Variants in ICE2 observed in about 807,000 individuals in gnomAD.
The protein encoded by ICE2 is little elongation complex subunit 2.
Under a neutral mutation model 105.4 loss-of-function variants are expected in ICE2, and 87 were observed. The observed-to-expected ratio is 0.83, with a 90% CI of 0.69 to 0.99. The LOEUF (loss-of-function observed/expected upper bound fraction) is 0.99. Among genes scored for constraint, ICE2 ranks in the 50% least tolerant of loss-of-function variants. ICE2 has a pLI of 0.00. For missense variants in ICE2, 1,323 were observed against 1,146.7 expected (o/e 1.15, Z -2.22); for synonymous variants, 399 against 392.0 (o/e 1.02, Z -0.21).
intron 9 of ICE2, among the ~76,000 whole-genome samples, chr15:60,450,622 T>C (rs2063943216): frequency 6.6e-6 from 1 of 152,184 alleles, no homozygotes; most frequent in Admixed American, 6.5e-5. Context: ...GCCTTACAGT[T>C]GAGGATTTAA....
chr15:60,459,622 T>C (rs900283994), intron 5 of ICE2, among the ~76,000 whole-genome samples: 2 of 152,046 alleles, frequency 1.3e-5, no homozygotes, highest in African/African-American at 2.4e-5. Context: ...AAAACAAATA[T>C]AGTCCATATA....
intron 5 of ICE2, among the ~76,000 whole-genome samples, chr15:60,459,383 G>C (rs1015063388): frequency 6.6e-6 from 1 of 152,136 alleles, no homozygotes; most frequent in African/African-American, 2.4e-5. Context: ...GTGGAAAAAA[G>C]GTAACTGCCA....
chr15:60,460,788 A>G (rs1309827766), intron 5 of ICE2, among the ~76,000 whole-genome samples: 2 of 152,192 alleles, frequency 1.3e-5, no homozygotes, highest in African/African-American at 4.8e-5. Context: ...TGCTAGAACA[A>G]CTAGATATTC....
intron 3 of ICE2, among the ~76,000 whole-genome samples, chr15:60,468,559 G>GGT (rs1294599211): frequency 6.6e-6 from 1 of 152,178 alleles, no homozygotes; most frequent in East Asian, 1.9e-4. Context: ...GAGAGGAAGA[G>GGT]GTATACTTAT....
chr15:60,425,272 T>A (rs982871073), intron 15 of ICE2, among the ~76,000 whole-genome samples: 1 of 152,190 alleles, frequency 6.6e-6, no homozygotes, highest in African/African-American at 2.4e-5. Flanking sequence ...ATATACTGAT[T>A]AGAAAAGTGC....
Position 60,448,897 on chromosome 15 carries a change from AGAG to A in ICE2, c.2067_2069del (p.Ser691del). The A allele has an allele frequency of 6.2e-7, 1 of 1,610,986 alleles. No individual in the cohort carries two copies. Among genetic ancestry groups the A allele is most frequent in the South Asian group, 1.1e-5 (1 of 90,084 alleles). On this transcript the variant is annotated inframe_deletion, in exon 10 of 16. Transcript: ENST00000261520. ...AAGGCCATCCAGATTTCGGCCAACT[AGAG>A]GAGTCTGAAGGACCAGACAATTGCT... is the stretch of plus-strand genomic sequence containing the variant.
chr15:60,434,245 G>A (rs571406357), intron 13 of ICE2, among the ~76,000 whole-genome samples: 2 of 152,202 alleles, frequency 1.3e-5, no homozygotes, highest in African/African-American at 4.8e-5. Context: ...TTCTGAGTAC[G>A]ATAAATTCAT....
intron 3 of ICE2, among the ~76,000 whole-genome samples, chr15:60,473,158 G>A (rs2064654862): frequency 6.6e-6 from 1 of 152,024 alleles, no homozygotes; most frequent in Non-Finnish European, 1.5e-5. Flanking sequence ...GCCCGGGCTG[G>A]TCTTGAACTC....
Position 60,420,242 on chromosome 15 carries a change from C to G in ICE2, c.*3392G>C, listed in dbSNP as rs2063229482. 6.6e-6 allele frequency: 1 copy of G among 152,006 alleles called. No individual in the cohort carries two copies. Among genetic ancestry groups the G allele is most frequent in the Non-Finnish European group, 1.5e-5 (1 of 68,004 alleles). The allele number at this position is 152,006 out of a possible 1,614,324, so 9.4% of individuals were successfully genotyped here. On this transcript the variant is annotated 3_prime_UTR_variant, in exon 16 of 16. Coordinates refer to ENST00000261520, the MANE Select transcript of ICE2 (RefSeq NM_024611.6). ...GTTAACACCATCATTTACTCAGTAT[C>G]TCAAATGAGAAACCCAGAAGCCATA...
intron 4 of ICE2, among the ~76,000 whole-genome samples, chr15:60,466,962 T>C (rs1036837455): frequency 6.6e-6 from 1 of 152,196 alleles, no homozygotes; most frequent in African/African-American, 2.4e-5. Context: ...GTTGATTTTA[T>C]AAAATGCTGT....
rs748160557 is a variant in ICE2 at position 60,469,292 on chromosome 15, C to T, written c.147-970G>A. Among the ~76,000 whole-genome samples, 14 of 152,010 alleles carry T rather than the reference C, an allele frequency of 9.2e-5. No homozygotes were observed. The South Asian group carries it at 2.1e-3, about 23-fold the overall frequency. ...GAAGGGAATACACATGGGCGTGTTGCGGGGTGGGGTTGGGGTAGGAGAACA... is the reference window on the plus strand; with the variant it reads ...GAAGGGAATACACATGGGCGTGTTGTGGGGTGGGGTTGGGGTAGGAGAACA... On this transcript the variant is annotated intron_variant, in intron 3 of 15. Coordinates refer to ENST00000261520, the MANE Select transcript of ICE2 (RefSeq NM_024611.6).
intron 9 of ICE2, chr15:60,453,165 G>C: frequency 1.2e-6 from 1 of 848,492 alleles, no homozygotes; most frequent in Middle Eastern, 6.0e-4. Context: ...CCGGGAGGCG[G>C]AGGTTGCAGT....
At chr15:60,427,104 A>T (rs956616142) in intron 15 of ICE2, among the ~76,000 whole-genome samples, 6 of 152,256 alleles carry the variant, frequency 3.9e-5, no homozygotes, top group Non-Finnish European at 7.3e-5. Context: ...GGATACTCCC[A>T]AACAGTAACT....
At chr15:60,441,424 T>C (rs920541178) in intron 12 of ICE2, 2 of 152,220 alleles carry the variant, frequency 1.3e-5, no homozygotes, top group South Asian at 2.1e-4. Flanking sequence ...CACACCCTCA[T>C]AGGATTTATT....
intron 5 of ICE2, among the ~76,000 whole-genome samples, chr15:60,465,077 G>C (rs1273393082): frequency 1.3e-5 from 2 of 152,174 alleles, no homozygotes; most frequent in Non-Finnish European, 1.5e-5. Flanking sequence ...AGAAAATTAT[G>C]ACATTCCCTT....
chr15:60,464,547 T>C (rs1236262550), intron 5 of ICE2, among the ~76,000 whole-genome samples: 5 of 151,940 alleles, frequency 3.3e-5, no homozygotes, highest in African/African-American at 7.3e-5. Context: ...ATCCGGGGAA[T>C]AGATTGAGAA....
chr15:60,452,774 A>G lies in ICE2; in HGVS notation c.1125+829T>C, dbSNP rs1303139013. On this transcript the variant is annotated intron_variant, in intron 9 of 15. Coordinates refer to ENST00000261520, the MANE Select transcript of ICE2 (RefSeq NM_024611.6). Reference sequence around the variant, plus strand: ...CCTAAACAATCCTATGAGTTAGGTAATATCATGATGCCCATTTTACAGATA... The same window carrying G: ...CCTAAACAATCCTATGAGTTAGGTAGTATCATGATGCCCATTTTACAGATA... 4 of 719,874 alleles carry G rather than the reference A, an allele frequency of 5.6e-6. No individual in the cohort carries two copies. In the African/African-American group the frequency reaches 5.8e-5, roughly 10 times the overall value. The allele number at this position is 719,874 out of a possible 1,614,324, so 44.6% of individuals were successfully genotyped here.
At chr15:60,435,098 G>A (rs1031404474) in intron 13 of ICE2, among the ~76,000 whole-genome samples, 3 of 150,508 alleles carry the variant, frequency 2.0e-5, no homozygotes, top group Non-Finnish European at 3.0e-5. Context: ...TGGCTAACAC[G>A]GTGAAACCCC....
At chr15:60,477,306 A>T (rs2064789355) in intron 2 of ICE2, among the ~76,000 whole-genome samples, 1 of 152,220 alleles carries the variant, frequency 6.6e-6, no homozygotes, top group Non-Finnish European at 1.5e-5. Context: ...TGTTGTTAGC[A>T]ATAAACAAAT....
Sources: gnomAD v4.1 joint callset for allele counts (sites outside exome capture counted in the v4.1 genomes callset) on GRCh38, gnomAD v4.1.1 for gene constraint, MANE v1.5 for transcripts, NCBI Gene and HGNC (gene_info 2026-07-23, HGNC 2026-07-21) for gene names.